DNAAF9: variants seen among roughly 807,000 people sequenced by gnomAD.
DNAAF9 encodes dynein axonemal assembly factor 9.
DNAAF9 carries 90 observed loss-of-function variants against 167.0 expected under a neutral mutation model. The observed-to-expected ratio is 0.54, with a 90% CI of 0.45 to 0.64. The LOEUF (loss-of-function observed/expected upper bound fraction) is 0.64, where lower values mean the gene tolerates loss of function less well. Among genes scored for constraint, DNAAF9 ranks in the 30% least tolerant of loss-of-function variants. DNAAF9 has a pLI of 0.00. For synonymous variants in DNAAF9, 491 were observed against 508.8 expected (o/e 0.96, Z 0.47); for missense variants, 1,315 against 1,442.2 (o/e 0.91, Z 1.43).
rs754711148 is a variant in DNAAF9, at chr20:3,264,512, AATGTCTTC to A, written c.2791_2798del (p.Glu931Ter). On this transcript the variant is annotated frameshift_variant, in exon 31 of 37. Transcript: ENST00000252032. LOFTEE classifies it high-confidence loss of function. Reference sequence around the variant, plus strand: ...AACTGTTTTCTGAGAGAATCAGCTCAATGTCTTCATTCCTTTGAAAACACACAGAAAAG... The same window carrying A: ...AACTGTTTTCTGAGAGAATCAGCTCAATTCCTTTGAAAACACACAGAAAAG... The A allele has an allele frequency of 6.6e-7, 1 of 1,511,580 alleles. No homozygotes were observed. Among genetic ancestry groups the A allele is most frequent in the Non-Finnish European group, 9.2e-7 (1 of 1,086,850 alleles). 93.6% of individuals were successfully genotyped at this position (1,511,580 alleles called of 1,614,324 possible).
rs372745321 is a variant in DNAAF9, at chr20:3,397,323, G to GTTTTTTGTT, written c.83+10143_83+10151dup. On this transcript the variant is annotated intron_variant, in intron 1 of 36. Coordinates refer to ENST00000252032, the MANE Select transcript of DNAAF9 (RefSeq NM_001009984.3). ...ATTATTTCTTTTTTTGTTTTGTTTT[G>GTTTTTTGTT]TTTTTTGTTTTTTGAGACGGAGTCT... is the stretch of plus-strand genomic sequence containing the variant. Among the ~76,000 whole-genome samples the GTTTTTTGTT allele has an allele frequency of 2.5e-3, 381 of 150,664 alleles. 3 individuals are homozygous for GTTTTTTGTT. The highest frequency in any genetic ancestry group is 0.018 in the East Asian group (90 of 5,120).
At chr20:3,399,773 A>G (rs2083958726) in intron 1 of DNAAF9, among the ~76,000 whole-genome samples, 1 of 152,216 alleles carries the variant, frequency 6.6e-6, no homozygotes, top group South Asian at 2.1e-4. Context: ...AAAAGACAGC[A>G]GAACACAAAC....
At chr20:3,269,993 T>C (rs2068564232) in intron 30 of DNAAF9, among the ~76,000 whole-genome samples, 1 of 151,708 alleles carries the variant, frequency 6.6e-6, no homozygotes, top group South Asian at 2.1e-4. Context: ...CTGTTTTTTT[T>C]CTTTTTCCAA....
At chr20:3,326,457 C>A (rs964812669) in intron 12 of DNAAF9, among the ~76,000 whole-genome samples, 173 bp from the exon 13 acceptor site, 7 of 152,136 alleles carry the variant, frequency 4.6e-5, no homozygotes, top group Admixed American at 3.3e-4. Flanking sequence ...CTGGGCCAGG[C>A]ATAGTGGCTC....
At chr20:3,375,896 G>A (rs929548638) in intron 4 of DNAAF9, among the ~76,000 whole-genome samples, 4 of 151,234 alleles carry the variant, frequency 2.6e-5, no homozygotes, top group African/African-American at 9.7e-5. Flanking sequence ...AATCCCCTAA[G>A]AGATGGGATT....
chr20:3,340,638 G>C lies in DNAAF9; in HGVS notation c.847C>G (p.Pro283Ala), dbSNP rs560117061. 36 of 1,613,944 alleles carry C rather than the reference G, an allele frequency of 2.2e-5. No homozygotes were observed. In the South Asian group the frequency reaches 3.1e-4, roughly 14 times the overall value. ...MISSHITENS[P>A]NRQPFVLFGN... ...AAGAGAACAAATGGCTGCCGGTTAG[G>C]GCTAGAGAGGGAAGTCAAAAACATG... The change falls in exon 10 of 37, where the codon CCT becomes GCT. Residue 283 changes from proline (P) to alanine (A), a missense_variant and splice_region_variant. Pro to Ala is a conservative substitution (Grantham distance 27, BLOSUM62 -1). Transcript: ENST00000252032.
At chr20:3,368,945 A>G (rs2083471461) in intron 6 of DNAAF9, among the ~76,000 whole-genome samples, 1 of 109,436 alleles carries the variant, frequency 9.1e-6, no homozygotes, top group East Asian at 2.8e-4. Flanking sequence ...CACCCTGGCC[A>G]ACAAGGTGAA....
At chr20:3,294,057 T>C in intron 25 of DNAAF9, 82 bp downstream of exon 25, 2 of 800,882 alleles carry the variant, frequency 2.5e-6, no homozygotes, top group Non-Finnish European at 4.3e-6. Context: ...GTTCTTTTTG[T>C]TAACTGACAC....
At chr20:3,276,051 A>G (rs916131938) in intron 29 of DNAAF9, among the ~76,000 whole-genome samples, 4 of 152,198 alleles carry the variant, frequency 2.6e-5, no homozygotes, top group Non-Finnish European at 5.9e-5. Flanking sequence ...TGATTTCTAT[A>G]ATACACATTG....
At chr20:3,387,533 A>C (rs1297080859) in intron 1 of DNAAF9, among the ~76,000 whole-genome samples, 1 of 152,196 alleles carries the variant, frequency 6.6e-6, no homozygotes, top group Admixed American at 6.5e-5. Context: ...AAACTATAAA[A>C]CTTTTATAAC....
At chr20:3,330,895 G>T (rs942768869) in intron 11 of DNAAF9, among the ~76,000 whole-genome samples, 1 of 151,462 alleles carries the variant, frequency 6.6e-6, no homozygotes, top group Non-Finnish European at 1.5e-5. Context: ...AGGTTCAGGC[G>T]ATTCTCCTGC....
At chr20:3,383,691 T>C (rs1482627518) in intron 1 of DNAAF9, among the ~76,000 whole-genome samples, 1 of 152,100 alleles carries the variant, frequency 6.6e-6, no homozygotes, top group Non-Finnish European at 1.5e-5. Flanking sequence ...CCCCATCCCT[T>C]ACTGAATCTC....
chr20:3,315,022 T>G lies in DNAAF9; in HGVS notation c.1678+11A>C. 1 of 1,550,814 alleles carries G rather than the reference T, an allele frequency of 6.4e-7. No individual in the cohort carries two copies. The highest frequency in any genetic ancestry group is 1.4e-5 in the African/African-American group (1 of 73,676). On this transcript the variant is annotated intron_variant, in intron 20 of 36. Coordinates refer to ENST00000252032, the MANE Select transcript of DNAAF9 (RefSeq NM_001009984.3). This position sits in a 1 kb window ranked among gnomAD's most constrained non-coding sequence, Gnocchi z 4.1. ...GACATGGCCAAAAACATTAAAGTCA[T>G]AGCTCCTTACCTTCCTCAGGCCAGG...
chr20:3,363,351 C>A (rs976793157), intron 6 of DNAAF9, among the ~76,000 whole-genome samples: 2 of 151,484 alleles, frequency 1.3e-5, no homozygotes, highest in Admixed American at 1.3e-4. Context: ...GTAATCCCAG[C>A]TACTTAGGAG....
At chr20:3,334,904 C>T (rs1347151993) in intron 10 of DNAAF9, among the ~76,000 whole-genome samples, 5 of 152,190 alleles carry the variant, frequency 3.3e-5, no homozygotes, top group Non-Finnish European at 7.3e-5. Context: ...CTGGAGTTTT[C>T]AAGTCTATGA....
chr20:3,338,648 ATTTTTT>A (rs140772082), intron 10 of DNAAF9, among the ~76,000 whole-genome samples: 1 of 121,798 alleles, frequency 8.2e-6, no homozygotes. Context: ...TTCTTGGATG[ATTTTTT>A]TTTTTTTTTT....
At chr20:3,343,854 T>C in intron 8 of DNAAF9, 123 bp from the exon 9 acceptor site, 5 of 641,240 alleles carry the variant, frequency 7.8e-6, no homozygotes, top group East Asian at 2.7e-5. Context: ...TGTGTGTGTG[T>C]GTGTGCGTGT....
intron 10 of DNAAF9, among the ~76,000 whole-genome samples, chr20:3,332,900 G>GTGTGTGTGTGTGT (rs1376871054): frequency 7.5e-5 from 11 of 146,840 alleles, no homozygotes; most frequent in African/African-American, 2.8e-4. Flanking sequence ...GTGTGCGTGT[G>GTGTGTGTGTGTGT]GTGTGTGTGT....
intron 20 of DNAAF9, chr20:3,307,271 G>GGGCAGCTGCGATCACAGGACAGA: frequency 2.7e-6 from 1 of 365,928 alleles, no homozygotes; most frequent in Non-Finnish European, 3.8e-6. Flanking sequence ...CCAAGGCAAG[G>GGGCAGCTGCGATCACAGGACAGA]TCTCAGTAAA....
Sources: gnomAD v4.1 joint callset for allele counts (sites outside exome capture counted in the v4.1 genomes callset) on GRCh38, gnomAD v4.1.1 for gene constraint, Gnocchi (gnomAD v3.1) non-coding constraint, MANE v1.5 for transcripts, NCBI Gene and HGNC (gene_info 2026-07-23, HGNC 2026-07-21) for gene names.